SLC43A1: variants seen among roughly 807,000 people sequenced by gnomAD.
SLC43A1 encodes large neutral amino acids transporter small subunit 3.
SLC43A1 carries 31 observed loss-of-function variants against 59.5 expected under a neutral mutation model. The ratio of observed to expected loss-of-function variants is 0.52; its 90% CI spans 0.39 to 0.70. SLC43A1 has a LOEUF of 0.70. Among genes scored for constraint, SLC43A1 ranks in the 30% least tolerant of loss-of-function variants. The probability of loss-of-function intolerance (pLI) is 0.00; values close to 1 mark genes in which losing one functional copy is unlikely to be tolerated. For synonymous variants in SLC43A1, 259 were observed against 290.9 expected (o/e 0.89, Z 1.12); for missense variants, 598 against 717.8 (o/e 0.83, Z 1.91).
chr11:57,497,622 G>T, intron 6 of SLC43A1, 131 bp downstream of exon 6: 1 of 628,224 alleles, frequency 1.6e-6, no homozygotes. Context: ...GAGGGGGAAG[G>T]CCTGCATTGG....
chr11:57,497,909 C>G, intron 5 of SLC43A1, 64 bp from the exon 6 acceptor site: 1 of 1,276,530 alleles, frequency 7.8e-7, no homozygotes, highest in Non-Finnish European at 1.1e-6. Flanking sequence ...CATTCCCAGC[C>G]CTGCTCCATA....
At position 57,499,930 on chromosome 11, in the gene SLC43A1, C is replaced by T. The variant is rs556354732; in HGVS notation, c.465+849G>A. On this transcript the variant is annotated intron_variant, in intron 5 of 14. Transcript: ENST00000278426. ...GGGCGGGGAGAAAGGGATCCGCTTC[C>T]TTCCTTTAGAGCTGTGAAATGTCCC... Among the ~76,000 whole-genome samples, 13 of 152,282 alleles carry T rather than the reference C, an allele frequency of 8.5e-5. No homozygotes were observed. In the East Asian group the frequency reaches 1.9e-3, roughly 23 times the overall value.
At chr11:57,506,758 G>T (rs922931028) in intron 2 of SLC43A1, among the ~76,000 whole-genome samples, 1 of 152,142 alleles carries the variant, frequency 6.6e-6, no homozygotes, top group Non-Finnish European at 1.5e-5. Flanking sequence ...TGAGCTTCAG[G>T]TTTCTCTTCT....
chr11:57,492,550 A>AATTTTGTG (rs1188510772), intron 8 of SLC43A1, among the ~76,000 whole-genome samples: 119 of 23,206 alleles, frequency 5.1e-3, no homozygotes, highest in Non-Finnish European at 0.01. Flanking sequence ...ATATATATAT[A>AATTTTGTG]TATATATATA....
chr11:57,499,259 G>C (rs1358151292), intron 5 of SLC43A1, among the ~76,000 whole-genome samples: 1 of 151,626 alleles, frequency 6.6e-6, no homozygotes, highest in Non-Finnish European at 1.5e-5. Flanking sequence ...AGGAGGCAGA[G>C]GTTGCAGTGA....
intron 6 of SLC43A1, 60 bp from the exon 7 acceptor site, chr11:57,496,224 T>C: frequency 3.8e-6 from 6 of 1,593,084 alleles, no homozygotes; most frequent in Non-Finnish European, 5.1e-6. Flanking sequence ...CCCACCAAGG[T>C]AGATCCCAGG....
At position 57,492,246 on chromosome 11, in the gene SLC43A1, TTA is replaced by T. The variant is rs996972784; in HGVS notation, c.872-386_872-385del. On this transcript the variant is annotated intron_variant, in intron 8 of 14. Transcript: ENST00000278426. ...TTATTTATTTATTTATATACAGAAA[TTA>T]TATATATATTTATATATATAAATAT... is the stretch of plus-strand genomic sequence containing the variant. Among the ~76,000 whole-genome samples, 9 of 132,910 alleles carry T rather than the reference TTA, an allele frequency of 6.8e-5. No homozygotes were observed. The East Asian group carries it at 1.9e-3, about 28-fold the overall frequency. 87.2% of individuals were successfully genotyped at this position (132,910 alleles called of 152,430 possible). A position where few individuals can be genotyped will look rare whatever the true frequency, so the allele number is the denominator to read the frequency against.
chr11:57,496,865 C>T (rs529577854), intron 6 of SLC43A1, among the ~76,000 whole-genome samples: 1 of 152,344 alleles, frequency 6.6e-6, no homozygotes, highest in East Asian at 1.9e-4. Flanking sequence ...AATGTCTGCT[C>T]TCCCCTCAGG....
At chr11:57,505,409 G>T (rs58167425) in intron 2 of SLC43A1, among the ~76,000 whole-genome samples, 176 of 152,104 alleles carry the variant, frequency 1.2e-3, no homozygotes, top group African/African-American at 4.1e-3. Context: ...CTACTCCAGA[G>T]GCTGAGGCAG....
At chr11:57,507,549 A>G (rs930167309) in intron 2 of SLC43A1, among the ~76,000 whole-genome samples, 1 of 152,230 alleles carries the variant, frequency 6.6e-6, no homozygotes, top group African/African-American at 2.4e-5. Flanking sequence ...GGGATGAGAC[A>G]TGAGGATCAC....
chr11:57,486,497 A>C (rs1246612758), intron 14 of SLC43A1, among the ~76,000 whole-genome samples: 1 of 150,008 alleles, frequency 6.7e-6, no homozygotes, highest in Non-Finnish European at 1.5e-5. Context: ...CACCTTCTCT[A>C]CAAAAAAAAA....
chr11:57,487,788 A>G (rs1943783374), intron 13 of SLC43A1, among the ~76,000 whole-genome samples: 1 of 152,082 alleles, frequency 6.6e-6, no homozygotes, highest in East Asian at 1.9e-4. Flanking sequence ...GAGGACAGTC[A>G]GGGAAAGACC....
intron 12 of SLC43A1, 70 bp from the exon 13 acceptor site, chr11:57,489,059 G>A (rs1005179575): frequency 6.6e-6 from 10 of 1,508,348 alleles, no homozygotes; most frequent in South Asian, 2.3e-5. Flanking sequence ...GGGGTAGGGC[G>A]AAGAGGCCAA....
At chr11:57,512,528 A>C (rs909741804) in intron 2 of SLC43A1, among the ~76,000 whole-genome samples, 3 of 149,624 alleles carry the variant, frequency 2.0e-5, no homozygotes, top group African/African-American at 7.4e-5. Context: ...TGGGTGACAG[A>C]GTGAGACTCT....
intron 2 of SLC43A1, among the ~76,000 whole-genome samples, chr11:57,507,148 T>C (rs1944411952): frequency 6.6e-6 from 1 of 152,056 alleles, no homozygotes; most frequent in Non-Finnish European, 1.5e-5. Flanking sequence ...GGCAACATAG[T>C]GAGAACCTGT....
chr11:57,499,744 C>G (rs1299883336), intron 5 of SLC43A1: 1 of 152,338 alleles, frequency 6.6e-6, no homozygotes, highest in Non-Finnish European at 1.5e-5. Flanking sequence ...GCGCCGGACC[C>G]TGCCATTGGC....
Position 57,504,210 on chromosome 11 carries a change from A to C in SLC43A1, c.155-2881T>G, listed in dbSNP as rs1334358497. Among the ~76,000 whole-genome samples the C allele has an allele frequency of 2.0e-5, 3 of 152,164 alleles. No homozygotes were observed. The East Asian group carries it at 5.8e-4, about 29-fold the overall frequency. On this transcript the variant is annotated intron_variant, in intron 2 of 14. Transcript: ENST00000278426. ...AGACTCCGTCTCAAAAAATAAAAATAAAAATAAAAAGTTAGAAGATCTAGG... is the reference window on the plus strand; with the variant it reads ...AGACTCCGTCTCAAAAAATAAAAATCAAAATAAAAAGTTAGAAGATCTAGG...
chr11:57,487,349 A>T, intron 13 of SLC43A1, 131 bp from the exon 14 acceptor site: 1 of 1,144,722 alleles, frequency 8.7e-7, no homozygotes, highest in South Asian at 1.7e-5. Flanking sequence ...GGCTCTTTGC[A>T]TGGGCTCTTT....
intron 14 of SLC43A1, among the ~76,000 whole-genome samples, chr11:57,485,588 T>C (rs1943707736): frequency 6.6e-6 from 1 of 152,122 alleles, no homozygotes; most frequent in African/African-American, 2.4e-5. Context: ...CCTCTGACCT[T>C]TGGAGATGTT....
Sources: allele counts gnomAD v4.1 joint callset (sites outside exome capture counted in the v4.1 genomes callset), GRCh38; gene constraint gnomAD v4.1.1; transcripts MANE v1.5; gene names NCBI Gene and HGNC (gene_info 2026-07-23, HGNC 2026-07-21).